STXBP5L: variants seen among roughly 807,000 people sequenced by gnomAD.
STXBP5L encodes syntaxin-binding protein 5-like.
In STXBP5L, 65 loss-of-function variants were observed where a neutral mutation model predicts 144.5. That is an observed-to-expected ratio of 0.45 (90% CI 0.37 to 0.55). The LOEUF (loss-of-function observed/expected upper bound fraction) is 0.55, where lower values mean the gene tolerates loss of function less well. Among genes scored for constraint, STXBP5L ranks in the 20% least tolerant of loss-of-function variants. The pLI is 0.00. For synonymous variants in STXBP5L, 505 were observed against 469.6 expected, an observed-to-expected ratio of 1.08 and a Z score of -0.97; for missense variants, 1,298 against 1,405.5, an observed-to-expected ratio of 0.92 and a Z score of 1.22.
At chr3:121,207,396 C>T (rs944563824) in intron 10 of STXBP5L, among the ~76,000 whole-genome samples, 2 of 152,104 alleles carry the variant, frequency 1.3e-5, no homozygotes, top group African/African-American at 4.8e-5. Context: ...AAAACCTAGG[C>T]GATACCATGT....
chr3:121,259,817 T>A (rs182909954), intron 18 of STXBP5L, among the ~76,000 whole-genome samples: 3 of 152,038 alleles, frequency 2.0e-5, no homozygotes, highest in Admixed American at 6.6e-5. Context: ...CTGGTTTTTT[T>A]TTTAATTGAG....
intron 2 of STXBP5L, among the ~76,000 whole-genome samples, chr3:120,914,477 T>C (rs1351454388): frequency 6.6e-6 from 1 of 152,072 alleles, no homozygotes; most frequent in Non-Finnish European, 1.5e-5. Flanking sequence ...TAAATAGGTA[T>C]AGATCAGAAA....
At chr3:121,008,658 C>T (rs1944535410) in intron 3 of STXBP5L, among the ~76,000 whole-genome samples, 2 of 151,996 alleles carry the variant, frequency 1.3e-5, no homozygotes, top group African/African-American at 4.8e-5. Context: ...TATTCCAGCA[C>T]ACTCTTAGGC....
chr3:121,239,278 A>G (rs1042113083), intron 13 of STXBP5L, among the ~76,000 whole-genome samples, 160 bp downstream of exon 13: 4 of 151,716 alleles, frequency 2.6e-5, no homozygotes, highest in African/African-American at 9.7e-5. Context: ...CTTAAATTCA[A>G]ATTTTCTAAA....
At position 121,279,433 on chromosome 3, in the gene STXBP5L, C is replaced by T. The variant is rs200429455; in HGVS notation, c.1959-372C>T. On this transcript the variant is annotated intron_variant, in intron 18 of 26. Coordinates refer to ENST00000471454, the MANE Select transcript of STXBP5L (RefSeq NM_001308330.2). ...TTTGAAAAAGGCATCTAATTACATA[C>T]GTAAGCATCTTTAGCTAGTGACATT... Among the ~76,000 whole-genome samples the T allele has an allele frequency of 1.2e-4, 18 of 151,954 alleles. No individual in the cohort carries two copies. The East Asian group carries it at 1.9e-3, about 16-fold the overall frequency.
chr3:121,006,461 G>T (rs1009230710), intron 3 of STXBP5L, among the ~76,000 whole-genome samples: 11 of 152,116 alleles, frequency 7.2e-5, no homozygotes, highest in African/African-American at 2.2e-4. Context: ...CACGTGAGAT[G>T]GGTTTCCTCA....
chr3:121,389,486 A>G (rs553450845), intron 22 of STXBP5L, among the ~76,000 whole-genome samples: 1 of 152,134 alleles, frequency 6.6e-6, no homozygotes, highest in Non-Finnish European at 1.5e-5. Flanking sequence ...TAGGGTGTCG[A>G]TTTTAGATCT....
chr3:121,290,348 C>T (rs530944228), intron 19 of STXBP5L, among the ~76,000 whole-genome samples: 1 of 151,974 alleles, frequency 6.6e-6, no homozygotes, highest in Non-Finnish European at 1.5e-5. Context: ...CTGGATTAAA[C>T]CAGGAAGAAA....
At chr3:121,117,317 A>T (rs2044274928) in intron 6 of STXBP5L, among the ~76,000 whole-genome samples, 2 of 151,816 alleles carry the variant, frequency 1.3e-5, no homozygotes, top group Non-Finnish European at 3.0e-5. Flanking sequence ...AATGTTCTTG[A>T]AATATCTCTG....
At chr3:121,350,654 G>A (rs182273269) in intron 20 of STXBP5L, among the ~76,000 whole-genome samples, 25 of 152,094 alleles carry the variant, frequency 1.6e-4, no homozygotes, top group Admixed American at 3.3e-4. Context: ...GGCTTTGTTC[G>A]TTTCTTTTTA....
In STXBP5L at chr3:121,214,857, C is replaced by T. The variant is rs908975574; in HGVS notation, c.957-8146C>T. ...GGAGTCTAAGTTTTTTTTTGTTGGT[C>T]TCTAAGAACTTACTTTATGAATCTG... On this transcript the variant is annotated intron_variant, in intron 10 of 26. Coordinates refer to ENST00000471454, the MANE Select transcript of STXBP5L (RefSeq NM_001308330.2). 5.3e-5 allele frequency among the ~76,000 whole-genome samples: 8 copies of T among 151,940 alleles called. No homozygotes were observed. In the South Asian group the frequency reaches 1.7e-3, roughly 32 times the overall value.
intron 3 of STXBP5L, among the ~76,000 whole-genome samples, chr3:120,982,722 G>A (rs1311560493): frequency 6.6e-6 from 1 of 152,226 alleles, no homozygotes; most frequent in African/African-American, 2.4e-5. Context: ...GCATGTGCAA[G>A]TGCATGCCAG....
intron 3 of STXBP5L, among the ~76,000 whole-genome samples, chr3:121,025,420 T>C (rs1462329665): frequency 1.3e-5 from 2 of 152,102 alleles, no homozygotes; most frequent in East Asian, 1.9e-4. Flanking sequence ...TTTCTCTAAA[T>C]ATAAATATTA....
chr3:121,111,570 G>A (rs1043067817), intron 5 of STXBP5L, among the ~76,000 whole-genome samples: 9 of 152,192 alleles, frequency 5.9e-5, no homozygotes, highest in African/African-American at 1.9e-4. Flanking sequence ...GGAGGCTGCA[G>A]AACAGCAAGG....
At chr3:121,353,955 G>A (rs2045403687) in intron 20 of STXBP5L, among the ~76,000 whole-genome samples, 5 of 152,272 alleles carry the variant, frequency 3.3e-5, no homozygotes, top group Admixed American at 2.6e-4. Context: ...TAGTCATTCA[G>A]TGGCAAGTTG....
chr3:120,937,847 A>G (rs910249686), intron 2 of STXBP5L, among the ~76,000 whole-genome samples: 6 of 152,202 alleles, frequency 3.9e-5, no homozygotes, highest in African/African-American at 1.4e-4. Context: ...ATGATTTACA[A>G]CTTTCTGAGT....
At chr3:121,096,698 C>G (rs762995876) in intron 5 of STXBP5L, among the ~76,000 whole-genome samples, 15 of 151,938 alleles carry the variant, frequency 9.9e-5, no homozygotes, top group Non-Finnish European at 1.6e-4. Context: ...AAAAAAAAAG[C>G]CTGTTTTTTC....
At chr3:121,283,091 T>C (rs2051115250) in intron 19 of STXBP5L, among the ~76,000 whole-genome samples, 1 of 149,964 alleles carries the variant, frequency 6.7e-6, no homozygotes, top group Non-Finnish European at 1.5e-5. Flanking sequence ...TTATCATATG[T>C]TAATATATTC....
chr3:121,002,249 C>T (rs778006881), intron 3 of STXBP5L, among the ~76,000 whole-genome samples: 6 of 151,154 alleles, frequency 4.0e-5, no homozygotes, highest in African/African-American at 9.7e-5. Flanking sequence ...GCATTCTAAT[C>T]GATGTGAGAT....
Sources: allele counts gnomAD v4.1 joint callset (sites outside exome capture counted in the v4.1 genomes callset), GRCh38; gene constraint gnomAD v4.1.1; transcripts MANE v1.5; gene names NCBI Gene and HGNC (gene_info 2026-07-23, HGNC 2026-07-21).